The following TOPBP1 variants were observed in gnomAD, a reference collection of about 807,000 sequenced individuals.
TOPBP1 encodes the protein DNA topoisomerase II binding protein 1, also known as DNA topoisomerase 2-binding protein 1.
Under a neutral mutation model 167.7 loss-of-function variants are expected in TOPBP1, and 28 were observed. The observed-to-expected ratio is 0.17, with a 90% confidence interval of 0.12 to 0.23. The LOEUF is 0.23. TOPBP1 is among the 10% of genes least tolerant of loss of function. The probability of loss-of-function intolerance (pLI) is 1.00; values close to 1 mark genes in which losing one functional copy is unlikely to be tolerated. For missense variants in TOPBP1, 1,554 were observed against 1,809.6 expected (o/e 0.86, Z 2.56); for synonymous variants, 598 against 611.4 (o/e 0.98, Z 0.32).
chr3:133,653,539 A>G lies in TOPBP1; in HGVS notation c.743-15T>C. On this transcript the variant is annotated splice_polypyrimidine_tract_variant and intron_variant, in intron 6 of 27. Transcript: ENST00000260810. ...ATACTTCTGACCTGTGGCGTTCATTAAGAAAGAAATAGAGAAAATAGGAGA... is the reference window on the plus strand; with the variant it reads ...ATACTTCTGACCTGTGGCGTTCATTGAGAAAGAAATAGAGAAAATAGGAGA... 6.6e-7 allele frequency: 1 copy of G among 1,523,952 alleles called. No individual in the cohort carries two copies. The highest frequency in any genetic ancestry group is 2.4e-5 in the East Asian group (1 of 41,442). 94.4% of individuals were successfully genotyped at this position (1,523,952 alleles called of 1,614,324 possible).
Position 133,600,559 on chromosome 3 carries a change from G to A in TOPBP1, c.*691C>T, listed in dbSNP as rs1016224825. On this transcript the variant is annotated 3_prime_UTR_variant, in exon 28 of 28. Transcript: ENST00000260810. ...CAGGCCCCTGCAATTCATTTTTTAC[G>A]TTACATAAATGTTTTGTTGCTTCAA... is the stretch of plus-strand genomic sequence containing the variant. The A allele has an allele frequency of 2.6e-5, 4 of 152,480 alleles. No homozygotes were observed. The highest frequency in any genetic ancestry group is 7.2e-5 in the African/African-American group (3 of 41,430). 9.4% of individuals were successfully genotyped at this position (152,480 alleles called of 1,614,324 possible).
rs975159965 is a variant in TOPBP1, at chr3:133,612,646, T to C, written c.3872-94A>G. Reference sequence around the variant, plus strand: ...ACTACGCATAGAAATTATTTATAAATAAAATGCCCCAAACCATTTAAACCA... The same window carrying C: ...ACTACGCATAGAAATTATTTATAAACAAAATGCCCCAAACCATTTAAACCA... On this transcript the variant is annotated intron_variant, in intron 23 of 27. Coordinates refer to ENST00000260810, the MANE Select transcript of TOPBP1 (RefSeq NM_007027.4). 6 of 1,245,980 alleles carry C rather than the reference T, an allele frequency of 4.8e-6. No homozygotes were observed. The African/African-American group carries it at 6.1e-5, about 13-fold the overall frequency. The allele number at this position is 1,245,980 out of a possible 1,614,324, so 77.2% of individuals were successfully genotyped here.
In TOPBP1 at chr3:133,627,285, T is replaced by C. The variant is rs981049870; in HGVS notation, c.2804+1077A>G. On this transcript the variant is annotated intron_variant, in intron 16 of 27. Transcript: ENST00000260810. ...TTGAAAGTCTTATATCATGTCTACATCAAAACAGAATAAACAAGGAAACAT... is the reference window on the plus strand; with the variant it reads ...TTGAAAGTCTTATATCATGTCTACACCAAAACAGAATAAACAAGGAAACAT... 2.0e-5 allele frequency among the ~76,000 whole-genome samples: 3 copies of C among 151,730 alleles called. No individual in the cohort carries two copies. In the South Asian group the frequency reaches 6.2e-4, roughly 32 times the overall value.
chr3:133,652,707 T>G, intron 7 of TOPBP1, 78 bp from the exon 8 acceptor site: 1 of 1,257,202 alleles, frequency 8.0e-7, no homozygotes, highest in South Asian at 1.5e-5. Context: ...TTAACTTTTC[T>G]TACAAATATA....
At chr3:133,615,380 G>T (rs570873279) in intron 23 of TOPBP1, among the ~76,000 whole-genome samples, 1 of 152,316 alleles carries the variant, frequency 6.6e-6, no homozygotes, top group East Asian at 1.9e-4. Context: ...GGGAAGCTGA[G>T]GCAGAAGAAT....
At chr3:133,637,456 CGG>C (rs1246179872) in intron 14 of TOPBP1, among the ~76,000 whole-genome samples, 1 of 152,080 alleles carries the variant, frequency 6.6e-6, no homozygotes, top group Non-Finnish European at 1.5e-5. Context: ...AGGCAAATCC[CGG>C]GTGTACTCTG....
chr3:133,644,378 T>TA lies in TOPBP1; in HGVS notation c.1505-16dup. 1 of 1,534,572 alleles carries TA rather than the reference T, an allele frequency of 6.5e-7. No homozygotes were observed. The highest frequency in any genetic ancestry group is 8.7e-7 in the Non-Finnish European group (1 of 1,143,752). On this transcript the variant is annotated splice_polypyrimidine_tract_variant and intron_variant, in intron 10 of 27. Transcript: ENST00000260810. The stretch of plus-strand genomic sequence containing the variant: ...CTTAGCCTCAACTGAAAGAGAAAAG[T>TA]AAATGTTTTCTAACCAACAATTTAC...
chr3:133,638,006 T>G lies in TOPBP1; in HGVS notation c.2390A>C (p.Gln797Pro). 6.2e-7 allele frequency: 1 copy of G among 1,614,022 alleles called. No individual in the cohort carries two copies. Among genetic ancestry groups the G allele is most frequent in the Non-Finnish European group, 8.5e-7 (1 of 1,179,876 alleles). Residue 797 changes from glutamine (Q) to proline (P), a missense_variant, in exon 14 of 28, where the codon CAA becomes CCA. This residue lies in a region of TOPBP1 where 1,197 missense variants were observed against 1,351.5 expected (regional missense o/e 0.89). Transcript: ENST00000260810. ...GGAGGCTGCGACCTGTCTGGCATGT[T>G]GTGAGACCACAGCACGGAAAGCTTT... is the stretch of plus-strand genomic sequence containing the variant. ...QSKAFRAVVS[Q>P]HARQVAASPA...
intron 27 of TOPBP1, among the ~76,000 whole-genome samples, chr3:133,602,926 G>C (rs1420875526): frequency 2.3e-5 from 3 of 131,154 alleles, no homozygotes; most frequent in Non-Finnish European, 4.7e-5. Context: ...ACAGAGTTTC[G>C]CTCTTGTCAC....
intron 19 of TOPBP1, among the ~76,000 whole-genome samples, chr3:133,622,855 A>G (rs1158842115): frequency 1.3e-5 from 2 of 152,116 alleles, no homozygotes; most frequent in East Asian, 3.8e-4. Flanking sequence ...AACTTTGCAA[A>G]TTATCACTTA....
chr3:133,640,019 C>A lies in TOPBP1; in HGVS notation c.2173G>T (p.Ala725Ser). The A allele has an allele frequency of 6.2e-7, 1 of 1,613,896 alleles. No individual in the cohort carries two copies. The highest frequency in any genetic ancestry group is 2.2e-5 in the East Asian group (1 of 44,866). ...TCGTCTGCTCTCTTTCCCGTTCTAG[C>A]AGTCTCCAACAGCCAAGCTATAGTA... is the stretch of plus-strand genomic sequence containing the variant. ...AVTIAWLLETARTGKRADESH... is the reference protein window; with the variant it reads ...AVTIAWLLETSRTGKRADESH... The change falls in exon 13 of 28, where the codon GCT becomes TCT. Residue 725 changes from alanine (A) to serine (S), a missense_variant. Physicochemically the swap from Ala to Ser is moderately conservative, Grantham distance 99. Around this residue, in one of 3 missense-constraint regions of TOPBP1, gnomAD observed 1,197 missense variants for 1,351.5 expected, o/e 0.89. Transcript: ENST00000260810.
At chr3:133,660,232 T>G (rs1376251665) in intron 2 of TOPBP1, among the ~76,000 whole-genome samples, 1 of 152,180 alleles carries the variant, frequency 6.6e-6, no homozygotes, top group Non-Finnish European at 1.5e-5. Flanking sequence ...CACACCCTAT[T>G]TAAGATTATA....
chr3:133,634,301 G>A (rs1935591487), intron 14 of TOPBP1, among the ~76,000 whole-genome samples: 1 of 152,158 alleles, frequency 6.6e-6, no homozygotes, highest in South Asian at 2.1e-4. Context: ...TTGATATCAG[G>A]AGTTCAAGGT....
At chr3:133,655,196 C>A in intron 6 of TOPBP1, 94 bp downstream of exon 6, 2 of 839,024 alleles carry the variant, frequency 2.4e-6, no homozygotes, top group Non-Finnish European at 3.0e-6. Context: ...TAGAGCAAGA[C>A]TCTGTCTCAA....
At chr3:133,644,428 G>A in intron 10 of TOPBP1, 65 bp from the exon 11 acceptor site, 1 of 1,338,444 alleles carries the variant, frequency 7.5e-7, no homozygotes, top group Non-Finnish European at 1.0e-6. Context: ...TTCCTAGCAA[G>A]GATATTAACG....
intron 19 of TOPBP1, among the ~76,000 whole-genome samples, chr3:133,622,194 T>G (rs929339135): frequency 6.7e-6 from 1 of 148,304 alleles, no homozygotes; most frequent in African/African-American, 2.5e-5. Flanking sequence ...TGTTTTTTTT[T>G]TTTTTTTTTT....
chr3:133,639,275 G>C (rs755695576), intron 13 of TOPBP1, among the ~76,000 whole-genome samples: 1 of 152,076 alleles, frequency 6.6e-6, no homozygotes, highest in Non-Finnish European at 1.5e-5. Flanking sequence ...GGAATACTAT[G>C]CAGCCAGAAA....
At position 133,646,155 on chromosome 3, in the gene TOPBP1, A is replaced by C. The variant is rs190223176; in HGVS notation, c.1505-1792T>G. 4.6e-3 allele frequency among the ~76,000 whole-genome samples: 707 copies of C among 152,222 alleles called. 2 individuals are homozygous for C. Among genetic ancestry groups the C allele is most frequent in the South Asian group, 0.014 (66 of 4,806 alleles). On this transcript the variant is annotated intron_variant, in intron 10 of 27. Transcript: ENST00000260810. The stretch of plus-strand genomic sequence containing the variant: ...AGCAAGACTGCATCTCAAAAAAAAA[A>C]CAAAAAACTCCCTTAAATCAAAAGC...
intron 16 of TOPBP1, among the ~76,000 whole-genome samples, chr3:133,627,244 C>T (rs908155666): frequency 1.3e-5 from 2 of 152,056 alleles, no homozygotes; most frequent in African/African-American, 4.8e-5. Context: ...TAAAAACATA[C>T]ATCCTATATG....
Sources: gnomAD v4.1 joint callset for allele counts (sites outside exome capture counted in the v4.1 genomes callset) on GRCh38, gnomAD v4.1.1 for gene constraint, gnomAD v4.1.1 regional missense constraint, MANE v1.5 for transcripts, NCBI Gene and HGNC (gene_info 2026-07-23, HGNC 2026-07-21) for gene names.